SCAPER: variants seen among roughly 807,000 people sequenced by gnomAD.
SCAPER encodes the protein S-phase cyclin A associated protein in the ER.
In SCAPER, 98 loss-of-function variants were observed where a neutral mutation model predicts 182.2. The ratio of observed to expected loss-of-function variants is 0.54; its 90% CI spans 0.46 to 0.64. The LOEUF (loss-of-function observed/expected upper bound fraction) is 0.64, where lower values mean the gene tolerates loss of function less well. Among genes scored for constraint, SCAPER ranks in the 30% least tolerant of loss-of-function variants. The pLI is 0.00. For missense variants in SCAPER, 1,432 were observed against 1,690.0 expected (o/e 0.85, Z 2.68); for synonymous variants, 605 against 564.6 (o/e 1.07, Z -1.01).
At chr15:76,558,830 C>A (rs1197250435) in intron 23 of SCAPER, among the ~76,000 whole-genome samples, 1 of 152,000 alleles carries the variant, frequency 6.6e-6, no homozygotes, top group African/African-American at 2.4e-5. Context: ...CACATACATA[C>A]ACACACACAC....
intron 21 of SCAPER, among the ~76,000 whole-genome samples, chr15:76,634,511 T>C (rs1436143716): frequency 3.3e-5 from 5 of 152,190 alleles, no homozygotes; most frequent in Non-Finnish European, 7.3e-5. Context: ...GGGATTACAC[T>C]GAAGCTGTAT....
chr15:76,874,604 T>G (rs1031705819), intron 2 of SCAPER, among the ~76,000 whole-genome samples: 1 of 151,892 alleles, frequency 6.6e-6, no homozygotes, highest in East Asian at 1.9e-4. Context: ...AAAAGAAAGA[T>G]CACTACAGAT....
intron 4 of SCAPER, among the ~76,000 whole-genome samples, chr15:76,853,194 C>T (rs1435462792): frequency 6.6e-6 from 1 of 152,044 alleles, no homozygotes; most frequent in African/African-American, 2.4e-5. Context: ...AAGTAGCCTA[C>T]CAACCAAAAA....
intron 22 of SCAPER, among the ~76,000 whole-genome samples, chr15:76,578,942 A>G (rs995801771): frequency 2.6e-5 from 4 of 152,350 alleles, no homozygotes; most frequent in Middle Eastern, 3.4e-3. Context: ...ATGAAACTCA[A>G]ATTCAAGATA....
Position 76,804,547 on chromosome 15 carries a change from T to G in SCAPER, c.480A>C (p.Thr160=). The change falls in exon 6 of 32, where the codon ACA becomes ACC. Residue 160 remains threonine, a synonymous_variant. Transcript: ENST00000563290. ...GAGCTCATTACCTGCTTTGAGCATC[T>G]GTCTTCTCTAGCTTTTCCTGAAGCT... ...WIQLQEKLEK[T]DAQSRPTSLA... is the part of the protein sequence containing the mutation. 1 of 1,609,556 alleles carries G rather than the reference T, an allele frequency of 6.2e-7. No homozygotes were observed. Among genetic ancestry groups the G allele is most frequent in the Non-Finnish European group, 8.5e-7 (1 of 1,177,712 alleles).
chr15:76,780,354 G>A (rs980276157), intron 8 of SCAPER, among the ~76,000 whole-genome samples: 1 of 152,238 alleles, frequency 6.6e-6, no homozygotes, highest in Non-Finnish European at 1.5e-5. Context: ...GAGGCTTGAG[G>A]AGGTAAACAA....
At chr15:76,853,917 C>G (rs959622972) in intron 4 of SCAPER, among the ~76,000 whole-genome samples, 11 of 152,120 alleles carry the variant, frequency 7.2e-5, no homozygotes, top group Non-Finnish European at 1.3e-4. Flanking sequence ...TCTAGAAAAC[C>G]CATAGTCTCA....
At chr15:76,776,749 T>G (rs1273986596) in intron 8 of SCAPER, among the ~76,000 whole-genome samples, 1 of 152,108 alleles carries the variant, frequency 6.6e-6, no homozygotes, top group African/African-American at 2.4e-5. Context: ...GAGCTGAGCT[T>G]ATAAAACCGG....
chr15:76,367,535 C>T (rs916912605), intron 29 of SCAPER, among the ~76,000 whole-genome samples: 9 of 152,166 alleles, frequency 5.9e-5, no homozygotes, highest in Non-Finnish European at 1.2e-4. Flanking sequence ...AACTGAGGTT[C>T]GTGCACACTC....
intron 5 of SCAPER, among the ~76,000 whole-genome samples, chr15:76,819,197 G>A (rs142095757): frequency 6.6e-6 from 1 of 152,236 alleles, no homozygotes; most frequent in Non-Finnish European, 1.5e-5. Flanking sequence ...AGTAGCCTCT[G>A]CAGACTTTAA....
intron 18 of SCAPER, among the ~76,000 whole-genome samples, chr15:76,703,465 A>T (rs370546142): frequency 6.6e-6 from 1 of 152,226 alleles, no homozygotes; most frequent in African/African-American, 2.4e-5. Flanking sequence ...TCCATACAGC[A>T]GGCAAGGCCC....
At chr15:76,839,675 T>C (rs2069277604) in intron 5 of SCAPER, among the ~76,000 whole-genome samples, 1 of 152,188 alleles carries the variant, frequency 6.6e-6, no homozygotes, top group Non-Finnish European at 1.5e-5. Context: ...CTTTCTCCAT[T>C]CTTTTAATCT....
intron 4 of SCAPER, among the ~76,000 whole-genome samples, chr15:76,855,517 C>T (rs1332576676): frequency 6.8e-6 from 1 of 146,580 alleles, no homozygotes; most frequent in Non-Finnish European, 1.5e-5. Flanking sequence ...TTTTGCAAAC[C>T]ATGCATCTGA....
chr15:76,905,272 C>T (rs1380038874), intron 1 of SCAPER, 27 bp downstream of exon 1: 2 of 256,856 alleles, frequency 7.8e-6, no homozygotes, highest in South Asian at 3.1e-5. Flanking sequence ...CGGGTCTGCG[C>T]TACGCACGCC....
At position 76,601,042 on chromosome 15, in the gene SCAPER, T is replaced by C. The variant is rs555966725; in HGVS notation, c.2711+20722A>G. Among the ~76,000 whole-genome samples, 74 of 122,096 alleles carry C rather than the reference T, an allele frequency of 6.1e-4. 3 individuals are homozygous for C. The highest frequency in any genetic ancestry group is 1.9e-3 in the African/African-American group (74 of 39,972). 80.1% of individuals were successfully genotyped at this position (122,096 alleles called of 152,430 possible). Reference sequence around the variant, plus strand: ...CAACAAAAACCGAAGAAAAAATGTATTGAGAATTAAAGAAAATGTTAATGT... The same window carrying C: ...CAACAAAAACCGAAGAAAAAATGTACTGAGAATTAAAGAAAATGTTAATGT... On this transcript the variant is annotated intron_variant, in intron 22 of 31. Transcript: ENST00000563290.
intron 24 of SCAPER, among the ~76,000 whole-genome samples, chr15:76,481,154 C>G (rs941167377): frequency 3.9e-5 from 6 of 152,116 alleles, no homozygotes; most frequent in Admixed American, 6.5e-5. Context: ...TTGGACCCAA[C>G]AGAGAGAACT....
At chr15:76,475,016 C>A (rs1273827454) in intron 24 of SCAPER, among the ~76,000 whole-genome samples, 6 of 152,176 alleles carry the variant, frequency 3.9e-5, no homozygotes, top group Non-Finnish European at 7.3e-5. Context: ...CCACAGATGT[C>A]AACCAGCACC....
intron 1 of SCAPER, among the ~76,000 whole-genome samples, chr15:76,903,698 T>C (rs1334557593): frequency 4.6e-5 from 7 of 152,170 alleles, no homozygotes; most frequent in South Asian, 2.1e-4. Flanking sequence ...CAGACCCAAA[T>C]GGACCAAAGA....
chr15:76,478,745 C>T (rs550170562), intron 24 of SCAPER, among the ~76,000 whole-genome samples: 161 of 152,118 alleles, frequency 1.1e-3, no homozygotes, highest in Admixed American at 3.9e-3. Flanking sequence ...TATCTATCAT[C>T]GTGTCTATTT....
Sources: allele counts gnomAD v4.1 joint callset (sites outside exome capture counted in the v4.1 genomes callset), GRCh38; gene constraint gnomAD v4.1.1; transcripts MANE v1.5; gene names NCBI Gene and HGNC (gene_info 2026-07-23, HGNC 2026-07-21).